SLC44A4: variants seen among roughly 807,000 people sequenced by gnomAD.
The protein encoded by SLC44A4 is solute carrier family 44 member 4.
SLC44A4 carries 74 observed loss-of-function variants against 97.0 expected under a neutral mutation model. That is an observed-to-expected ratio of 0.76 (90% CI 0.63 to 0.93). SLC44A4 has a LOEUF of 0.93. SLC44A4 is among the 40% of genes least tolerant of loss of function. The pLI is 0.00. For missense variants in SLC44A4, 799 were observed against 902.9 expected, an observed-to-expected ratio of 0.88 and a Z score of 1.48; for synonymous variants, 325 against 363.8, an observed-to-expected ratio of 0.89 and a Z score of 1.21.
rs939852159 is a variant in SLC44A4, at chr6:31,865,583, G to A, written c.1601C>T (p.Ala534Val). ...HKLRGVQNPV[A>V]RCIMCCFKCC... Reference sequence around the variant, plus strand: ...CTTGAAACAGCACATGATGCAGCGGGCTACAGGGTTCTGCACTCCTGGGAG... The same window carrying A: ...CTTGAAACAGCACATGATGCAGCGGACTACAGGGTTCTGCACTCCTGGGAG... The change falls in exon 16 of 21, where the codon GCC (alanine) becomes GTC (valine). Residue 534 changes from alanine (A) to valine (V), a missense_variant. Transcript: ENST00000229729. The surrounding 1 kb of genome is among the most constrained non-coding windows in gnomAD (Gnocchi z 5.2). 3 of 1,601,776 alleles carry A rather than the reference G, an allele frequency of 1.9e-6. No individual in the cohort carries two copies. The highest frequency in any genetic ancestry group is 1.3e-5 in the African/African-American group (1 of 74,638).
Position 31,876,638 on chromosome 6 carries a change from C to A in SLC44A4, c.89+396G>T, listed in dbSNP as rs1046600582. On this transcript the variant is annotated intron_variant, in intron 2 of 20. Transcript: ENST00000229729. This position sits in a 1 kb window ranked among gnomAD's most constrained non-coding sequence, Gnocchi z 4.8. ...CCTGTAGTCCCAGCTACTCGGAAGG[C>A]TAGGGCAGGAGGATCACTTGAGCAC... Among the ~76,000 whole-genome samples the A allele has an allele frequency of 2.6e-5, 4 of 152,094 alleles. No homozygotes were observed. Among genetic ancestry groups the A allele is most frequent in the Admixed American group, 1.3e-4 (2 of 15,272 alleles).
rs533516923 is a variant in SLC44A4, at chr6:31,877,570, T to C, written c.41-488A>G. 3.7e-5 allele frequency: 37 copies of C among 990,220 alleles called. No homozygotes were observed. The African/African-American group carries it at 6.1e-4, about 16-fold the overall frequency. 61.3% of individuals were successfully genotyped at this position (990,220 alleles called of 1,614,324 possible). A position where few individuals can be genotyped will look rare whatever the true frequency, so the allele number is the denominator to read the frequency against. On this transcript the variant is annotated intron_variant, in intron 1 of 20. Transcript: ENST00000229729. This position sits in a 1 kb window ranked among gnomAD's most constrained non-coding sequence, Gnocchi z 6.5. Reference sequence around the variant, plus strand: ...CCCCAGGCCCTACCTTACCCTCTGGTTCAAGGCTATGGGGAAAGAAACTGG... The same window carrying C: ...CCCCAGGCCCTACCTTACCCTCTGGCTCAAGGCTATGGGGAAAGAAACTGG...
rs1290421170 is a variant in SLC44A4 at position 31,874,959 on chromosome 6, A to G, written c.312T>C (p.Ala104=). 1.2e-6 allele frequency: 2 copies of G among 1,613,698 alleles called. No individual in the cohort carries two copies. The highest frequency in any genetic ancestry group is 1.7e-6 in the Non-Finnish European group (2 of 1,179,988). Residue 104 remains alanine (A), a synonymous_variant, in exon 5 of 21, where the codon GCT becomes GCC. Transcript: ENST00000229729. This position sits in a 1 kb window ranked among gnomAD's most constrained non-coding sequence, Gnocchi z 4.8. ...GTGTGGGGCACTGTAGGCCGTTCTCAGCAACTGAGATGATGTTGCTGGACA... is the reference window on the plus strand; with the variant it reads ...GTGTGGGGCACTGTAGGCCGTTCTCGGCAACTGAGATGATGTTGCTGGACA... ...CILSSNIISV[A]ENGLQCPTPQ...
intron 11 of SLC44A4, 23 bp downstream of exon 11, chr6:31,870,580 C>G: frequency 6.4e-7 from 1 of 1,563,946 alleles, no homozygotes; most frequent in Non-Finnish European, 8.7e-7. Flanking sequence ...TCAACCCCAT[C>G]TCCCTCCCAG....
intron 13 of SLC44A4, 90 bp from the exon 14 acceptor site, chr6:31,866,216 T>A (rs1762867935): frequency 6.7e-6 from 10 of 1,494,682 alleles, no homozygotes; most frequent in Non-Finnish European, 7.2e-6. Flanking sequence ...CTCCTGCCCC[T>A]CCCAGAGTTG....
At chr6:31,869,506 A>T in intron 12 of SLC44A4, 39 bp downstream of exon 12, 1 of 1,528,064 alleles carries the variant, frequency 6.5e-7, no homozygotes, top group Non-Finnish European at 8.9e-7. Context: ...ATCACCCCCC[A>T]GGACTCCAAG....
Position 31,869,564 on chromosome 6 carries a change from A to C in SLC44A4, c.1111T>G (p.Tyr371Asp). ...TFVLLLICIAYWAMTALYLAT... is the reference protein window; with the variant it reads ...TFVLLLICIADWAMTALYLAT... ...GGATACAGAGCAGTCATGGCCCAGT[A>C]GGCAATGCAGATGAGGAGGAGGACA... The change falls in exon 12 of 21, where the codon TAC becomes GAC. Residue 371 changes from tyrosine (Y) to aspartate (D), a missense_variant. By Grantham distance (160) the Tyr-to-Asp change is radical. Coordinates refer to ENST00000229729, the MANE Select transcript of SLC44A4 (RefSeq NM_025257.3). 2 of 1,604,916 alleles carry C rather than the reference A, an allele frequency of 1.2e-6. No homozygotes were observed. The highest frequency in any genetic ancestry group is 1.7e-6 in the Non-Finnish European group (2 of 1,176,376).
Position 31,874,385 on chromosome 6 carries a change from G to C in SLC44A4, c.529+75C>G. ...CAAGCTATGTGACTTCACTCTCTCTGGGCCTGATTTCTTCATTCAAGCAAT... is the reference window on the plus strand; with the variant it reads ...CAAGCTATGTGACTTCACTCTCTCTCGGCCTGATTTCTTCATTCAAGCAAT... On this transcript the variant is annotated intron_variant, in intron 7 of 20. Coordinates refer to ENST00000229729, the MANE Select transcript of SLC44A4 (RefSeq NM_025257.3). This position sits in a 1 kb window ranked among gnomAD's most constrained non-coding sequence, Gnocchi z 4.8. The C allele has an allele frequency of 3.9e-6, 6 of 1,522,214 alleles. No individual in the cohort carries two copies. Among genetic ancestry groups the C allele is most frequent in the Non-Finnish European group, 3.6e-6 (4 of 1,100,476 alleles). The allele number at this position is 1,522,214 out of a possible 1,614,324, so 94.3% of individuals were successfully genotyped here.
Position 31,871,379 on chromosome 6 carries a change from G to C in SLC44A4, c.636C>G (p.Leu212=), listed in dbSNP as rs376935246. The change falls in exon 9 of 21, where the codon CTC becomes CTG. Residue 212 remains leucine, a synonymous_variant. Coordinates refer to ENST00000229729, the MANE Select transcript of SLC44A4 (RefSeq NM_025257.3). ...TCTTAACACTGATGTCTCGGGCATT[G>C]AGGCTGTCAATAAGACCGCTGTTGG... is the stretch of plus-strand genomic sequence containing the variant. ...QQGISGLIDS[L]NARDISVKIF... is the part of the protein sequence containing the mutation. 2 of 1,614,202 alleles carry C rather than the reference G, an allele frequency of 1.2e-6. No homozygotes were observed. Among genetic ancestry groups the C allele is most frequent in the Non-Finnish European group, 8.5e-7 (1 of 1,180,028 alleles).
Position 31,877,718 on chromosome 6 carries a change from A to T in SLC44A4, c.41-636T>A. 1.4e-6 allele frequency: 1 copy of T among 704,786 alleles called. No homozygotes were observed. Among genetic ancestry groups the T allele is most frequent in the Non-Finnish European group, 1.7e-6 (1 of 573,618 alleles). 43.7% of individuals were successfully genotyped at this position (704,786 alleles called of 1,614,324 possible). A position where few individuals can be genotyped will look rare whatever the true frequency, so the allele number is the denominator to read the frequency against. On this transcript the variant is annotated intron_variant, in intron 1 of 20. Transcript: ENST00000229729. This position sits in a 1 kb window ranked among gnomAD's most constrained non-coding sequence, Gnocchi z 6.5. The stretch of plus-strand genomic sequence containing the variant: ...GGGCTCTGGGCCAGCAGTCAGAGTG[A>T]CACCTGAGCCCAGCCATAGAGATTG...
intron 9 of SLC44A4, 81 bp from the exon 10 acceptor site, chr6:31,871,128 A>G (rs1763151762): frequency 2.9e-6 from 4 of 1,370,828 alleles, no homozygotes; most frequent in Non-Finnish European, 4.1e-6. Flanking sequence ...CTGCCTTTCC[A>G]CACACCACCC....
In SLC44A4 at chr6:31,869,621, T is replaced by C; in HGVS notation, c.1054A>G (p.Met352Val). 6.2e-7 allele frequency: 1 copy of C among 1,602,854 alleles called. No individual in the cohort carries two copies. The highest frequency in any genetic ancestry group is 8.5e-7 in the Non-Finnish European group (1 of 1,175,202). ...ACCAGTGGGTAGAACATGGTAGACA[T>C]CATCTGTCCCACAGCCCTGCAGGGA... ...KEASKAVGQM[M>V]STMFYPLVTF... Residue 352 changes from methionine (M) to valine (V), a missense_variant, in exon 12 of 21, where the codon ATG becomes GTG. Met to Val is a conservative substitution (Grantham distance 21). This residue lies in a region of SLC44A4 where 11 missense variants were observed against 30.5 expected (regional missense o/e 0.36). Transcript: ENST00000229729.
intron 13 of SLC44A4, among the ~76,000 whole-genome samples, chr6:31,868,596 A>C (rs1419144160): frequency 6.6e-6 from 1 of 152,182 alleles, no homozygotes; most frequent in Non-Finnish European, 1.5e-5. Flanking sequence ...CAGGAGTTCA[A>C]GACCAGCCCG....
In SLC44A4 at chr6:31,864,677, A is replaced by T; in HGVS notation, c.1986T>A (p.Cys662Ter). ...ASGFFSVFGM[C>*]VDTLFLCFLE... ...GGAAGCAGAGGAAGAGCGTGTCCAC[A>T]CACATGCCGAAAACGCTGAAGAAGC... is the stretch of plus-strand genomic sequence containing the variant. Residue 662 changes from cysteine (C) to a stop codon, truncating the protein, a stop_gained, in exon 20 of 21, where the codon TGT becomes TGA. Coordinates refer to ENST00000229729, the MANE Select transcript of SLC44A4 (RefSeq NM_025257.3). LOFTEE classifies it high-confidence loss of function. 1 of 1,613,944 alleles carries T rather than the reference A, an allele frequency of 6.2e-7. No homozygotes were observed. Among genetic ancestry groups the T allele is most frequent in the South Asian group, 1.1e-5 (1 of 91,076 alleles).
At chr6:31,873,716 C>T (rs546376355) in intron 7 of SLC44A4, among the ~76,000 whole-genome samples, 47 of 151,748 alleles carry the variant, frequency 3.1e-4, no homozygotes, top group Admixed American at 2.5e-3. Context: ...TACCACCCAG[C>T]CACGTTCACT....
intron 7 of SLC44A4, among the ~76,000 whole-genome samples, chr6:31,872,355 C>A (rs1763220705): frequency 6.6e-6 from 1 of 152,172 alleles, no homozygotes; most frequent in Non-Finnish European, 1.5e-5. Flanking sequence ...CCCCACTTAG[C>A]CTCCCAAGCA....
In SLC44A4 at chr6:31,871,042, AG is replaced by A. The variant is rs1763148039; in HGVS notation, c.706del (p.Leu236TrpfsTer7). ...TAGGCTCAAGACCAGAGCCACCCCC[AG>A]GGCACTGTAGGCAGGGTGAGGACAG... ...AQSWYWILVA[L>X]GVALVLSLLF... is the part of the protein sequence containing the mutation. On this transcript the variant is annotated frameshift_variant, in exon 10 of 21. Coordinates refer to ENST00000229729, the MANE Select transcript of SLC44A4 (RefSeq NM_025257.3). LOFTEE classifies it high-confidence loss of function. The A allele has an allele frequency of 3.7e-6, 6 of 1,604,122 alleles. No individual in the cohort carries two copies. Among genetic ancestry groups the A allele is most frequent in the African/African-American group, 1.3e-5 (1 of 74,924 alleles).
Position 31,877,221 on chromosome 6 carries a change from G to A in SLC44A4, c.41-139C>T, listed in dbSNP as rs116275603. On this transcript the variant is annotated intron_variant, in intron 1 of 20. Transcript: ENST00000229729. The surrounding 1 kb of genome is among the most constrained non-coding windows in gnomAD (Gnocchi z 6.5). ...GGCTAGGGCAGGACTGGCAGGAGGG[G>A]AAAACTGGGGAGCAGGAAAGGTAGG... 19,268 of 822,004 alleles carry A rather than the reference G, an allele frequency of 0.023. 644 individuals carry two copies. Among genetic ancestry groups the A allele is most frequent in the Non-Finnish European group, 0.021 (10,876 of 520,244 alleles). The allele number at this position is 822,004 out of a possible 1,614,324, so 50.9% of individuals were successfully genotyped here.
In SLC44A4 at chr6:31,865,938, C is replaced by A; in HGVS notation, c.1422G>T (p.Trp474Cys). Residue 474 changes from tryptophan (W) to cysteine (C), a missense_variant, in exon 14 of 21, where the codon TGG (tryptophan) becomes TGT (cysteine). Coordinates refer to ENST00000229729, the MANE Select transcript of SLC44A4 (RefSeq NM_025257.3). The surrounding 1 kb of genome is among the most constrained non-coding windows in gnomAD (Gnocchi z 5.2). ...GGATGTCCTGGGGCTTGTGGAAGGC[C>A]CAGTAGAAGGAGGCAAAGGCTCCAG... ...VLAGAFASFYWAFHKPQDIPT... is the reference protein window; with the variant it reads ...VLAGAFASFYCAFHKPQDIPT... The A allele has an allele frequency of 6.2e-7, 1 of 1,614,126 alleles. No individual in the cohort carries two copies. Among genetic ancestry groups the A allele is most frequent in the Non-Finnish European group, 8.5e-7 (1 of 1,180,018 alleles).
Sources: gnomAD v4.1 joint callset for allele counts (sites outside exome capture counted in the v4.1 genomes callset) on GRCh38, gnomAD v4.1.1 for gene constraint, gnomAD v4.1.1 regional missense constraint, Gnocchi (gnomAD v3.1) non-coding constraint, MANE v1.5 for transcripts, NCBI Gene and HGNC (gene_info 2026-07-23, HGNC 2026-07-21) for gene names.